PIAS2: variants seen among roughly 807,000 people sequenced by gnomAD.
PIAS2 encodes protein inhibitor of activated STAT 2.
Under a neutral mutation model 69.7 loss-of-function variants are expected in PIAS2, and 19 were observed. The ratio of observed to expected loss-of-function variants is 0.27; its 90% CI spans 0.19 to 0.40. The LOEUF (loss-of-function observed/expected upper bound fraction) is 0.40. Among genes scored for constraint, PIAS2 ranks in the 10% least tolerant of loss-of-function variants. PIAS2 has a pLI of 1.00. For synonymous variants in PIAS2, 261 were observed against 263.2 expected, an observed-to-expected ratio of 0.99 and a Z score of 0.08; for missense variants, 624 against 757.0, an observed-to-expected ratio of 0.82 and a Z score of 2.06.
Position 46,917,340 on chromosome 18 carries a change from C to T in PIAS2, c.6G>A (p.Ala2=). Residue 2 remains alanine (A), a synonymous_variant, in exon 1 of 14, where the codon GCG becomes GCA. Transcript: ENST00000585916. ...CGCTTACCCTCAACTCTTCGAAATC[C>T]GCCATTTTATACCACCCGCGGGCGC... The part of the protein sequence containing the change: M[A]DFEELRNMVS... The T allele has an allele frequency of 6.8e-7, 1 of 1,476,062 alleles. No homozygotes were observed. Among genetic ancestry groups the T allele is most frequent in the Non-Finnish European group, 9.0e-7 (1 of 1,109,248 alleles). The allele number at this position is 1,476,062 out of a possible 1,614,324, so 91.4% of individuals were successfully genotyped here.
intron 10 of PIAS2, among the ~76,000 whole-genome samples, chr18:46,829,042 A>G (rs1266813720): frequency 6.6e-6 from 1 of 152,174 alleles, no homozygotes; most frequent in Non-Finnish European, 1.5e-5. Context: ...TAGAACTTCA[A>G]ATGTAATCAG....
upstream of PIAS2, among the ~76,000 whole-genome samples, chr18:46,918,319 CG>C (rs1381735026): frequency 6.6e-6 from 1 of 152,162 alleles, no homozygotes; most frequent in Admixed American, 6.5e-5. Context: ...AACCCACACA[CG>C]AGAGGTCTTT....
chr18:46,909,472 T>C (rs2146277810), intron 1 of PIAS2, among the ~76,000 whole-genome samples: 1 of 152,274 alleles, frequency 6.6e-6, no homozygotes. Flanking sequence ...GGTCTCAAAC[T>C]CCTGGTCTCA....
chr18:46,899,494 CAG>C (rs1415683547), intron 1 of PIAS2, among the ~76,000 whole-genome samples: 1 of 152,182 alleles, frequency 6.6e-6, no homozygotes, highest in Admixed American at 6.5e-5. Context: ...CTATTTGAGA[CAG>C]GGTCTTGGCT....
At chr18:46,842,445 G>A (rs1189801604) in intron 8 of PIAS2, among the ~76,000 whole-genome samples, 1 of 152,128 alleles carries the variant, frequency 6.6e-6, no homozygotes, top group Non-Finnish European at 1.5e-5. Flanking sequence ...TAGGTAAGTT[G>A]TGTAGACTTT....
intron 3 of PIAS2, among the ~76,000 whole-genome samples, chr18:46,856,587 G>A (rs1253406414): frequency 2.0e-5 from 3 of 152,060 alleles, no homozygotes; most frequent in Non-Finnish European, 4.4e-5. Context: ...TGGAGTCTAC[G>A]GGGAAGCAGC....
chr18:46,822,357 C>T (rs2042266837), intron 11 of PIAS2, among the ~76,000 whole-genome samples: 1 of 152,102 alleles, frequency 6.6e-6, no homozygotes, highest in South Asian at 2.1e-4. Flanking sequence ...ATTTAGGAAG[C>T]TTATGACATA....
chr18:46,862,672 C>CAT (rs1408977952), intron 3 of PIAS2, among the ~76,000 whole-genome samples: 1 of 149,692 alleles, frequency 6.7e-6, no homozygotes, highest in Non-Finnish European at 1.5e-5. Flanking sequence ...TATATACACA[C>CAT]ATATATATAC....
At chr18:46,837,799 G>A (rs372642937) in intron 8 of PIAS2, among the ~76,000 whole-genome samples, 13 of 152,138 alleles carry the variant, frequency 8.5e-5, no homozygotes, top group African/African-American at 2.2e-4. Context: ...AAATATCACT[G>A]TTTATAACCA....
rs958660392 is a variant in PIAS2, at chr18:46,805,134, G to A, written c.*7299C>T. 6 of 152,236 alleles carry A rather than the reference G, an allele frequency of 3.9e-5. No individual in the cohort carries two copies. Among genetic ancestry groups the A allele is most frequent in the African/African-American group, 1.4e-4 (6 of 41,460 alleles). The allele number at this position is 152,236 out of a possible 1,614,324, so 9.4% of individuals were successfully genotyped here. On this transcript the variant is annotated 3_prime_UTR_variant, in exon 14 of 14. Coordinates refer to ENST00000585916, the MANE Select transcript of PIAS2 (RefSeq NM_004671.5). ...TTCTGAGAAGGAAGTGGCCTGAAAA[G>A]AGGGCAATAACATTTGTTATAACTG...
At chr18:46,896,728 T>C (rs992028489) in intron 1 of PIAS2, among the ~76,000 whole-genome samples, 1 of 152,196 alleles carries the variant, frequency 6.6e-6, no homozygotes, top group African/African-American at 2.4e-5. Context: ...ACATGGACCA[T>C]AAGAAGTCTT....
chr18:46,890,168 C>A (rs1598871211), intron 2 of PIAS2, among the ~76,000 whole-genome samples: 1 of 152,264 alleles, frequency 6.6e-6, no homozygotes, highest in Admixed American at 6.5e-5. Flanking sequence ...AGAATGGTAA[C>A]TGCCAGGGGC....
intron 2 of PIAS2, among the ~76,000 whole-genome samples, chr18:46,888,680 C>T (rs749877100): frequency 4.6e-5 from 7 of 152,152 alleles, no homozygotes; most frequent in Non-Finnish European, 1.0e-4. Flanking sequence ...GCATTAGATT[C>T]TCGTAAGGAG....
chr18:46,864,499 A>C (rs2049132289), intron 2 of PIAS2, among the ~76,000 whole-genome samples: 1 of 152,198 alleles, frequency 6.6e-6, no homozygotes, highest in Non-Finnish European at 1.5e-5. Context: ...GGCTGGGTGC[A>C]GTGGCTCACA....
intron 2 of PIAS2, among the ~76,000 whole-genome samples, chr18:46,877,291 A>T (rs1367325337): frequency 6.6e-6 from 1 of 152,234 alleles, no homozygotes; most frequent in Non-Finnish European, 1.5e-5. Context: ...AATCAAAAGA[A>T]GGGAACTGTC....
In PIAS2 at chr18:46,806,823, A is replaced by G. The variant is rs990194307; in HGVS notation, c.*5610T>C. 5 of 152,040 alleles carry G rather than the reference A, an allele frequency of 3.3e-5. No individual in the cohort carries two copies. The highest frequency in any genetic ancestry group is 3.3e-4 in the Admixed American group (5 of 15,260). The allele number at this position is 152,040 out of a possible 1,614,324, so 9.4% of individuals were successfully genotyped here. ...ATATGCTATTCTACAACACGGTAAC[A>G]CTCTTCGTCACTTAAAATAATTAAG... On this transcript the variant is annotated 3_prime_UTR_variant, in exon 14 of 14. Coordinates refer to ENST00000585916, the MANE Select transcript of PIAS2 (RefSeq NM_004671.5).
chr18:46,904,394 G>A (rs1221387685), intron 1 of PIAS2, among the ~76,000 whole-genome samples: 1 of 152,016 alleles, frequency 6.6e-6, no homozygotes, highest in Non-Finnish European at 1.5e-5. Flanking sequence ...GAAATAAAAG[G>A]ACACAAAAAT....
upstream of PIAS2, chr18:46,920,054 C>T (rs747582803): frequency 1.4e-4 from 180 of 1,289,354 alleles, no homozygotes; most frequent in Non-Finnish European, 1.8e-4. Context: ...CCCACTGAAA[C>T]TTACGTGCAG....
At chr18:46,828,999 C>T (rs574856405) in intron 10 of PIAS2, among the ~76,000 whole-genome samples, 1 of 152,130 alleles carries the variant, frequency 6.6e-6, no homozygotes. Flanking sequence ...ATTTTTTCCC[C>T]TTTCTTCTTA....
Sources: allele counts gnomAD v4.1 joint callset (sites outside exome capture counted in the v4.1 genomes callset), GRCh38; gene constraint gnomAD v4.1.1; transcripts MANE v1.5; gene names NCBI Gene and HGNC (gene_info 2026-07-23, HGNC 2026-07-21).